The following BAG6 variants were observed in gnomAD, a reference collection of about 807,000 sequenced individuals.
BAG6 encodes BAG cochaperone 6.
In BAG6, 22 loss-of-function variants were observed where a neutral mutation model predicts 121.0. That is an observed-to-expected ratio of 0.18 (90% CI 0.13 to 0.26). The LOEUF is 0.26. BAG6 is among the 10% of genes least tolerant of loss of function. The pLI is 1.00. For synonymous variants in BAG6, 583 were observed against 584.6 expected (o/e 1.00, Z 0.04); for missense variants, 1,233 against 1,537.7 (o/e 0.80, Z 3.31).
At chr6:31,648,006 A>C in intron 6 of BAG6, 180 bp from the exon 7 acceptor site, 1 of 470,702 alleles carries the variant, frequency 2.1e-6, no homozygotes, top group Non-Finnish European at 2.8e-6. Context: ...ATGCATAATA[A>C]GCATCTGTAA....
chr6:31,649,234 T>G lies in BAG6; in HGVS notation c.388A>C (p.Asn130His). The G allele has an allele frequency of 6.2e-7, 1 of 1,613,020 alleles. No individual in the cohort carries two copies. Among genetic ancestry groups the G allele is most frequent in the Non-Finnish European group, 8.5e-7 (1 of 1,180,012 alleles). Residue 130 changes from asparagine to histidine, a missense_variant, in exon 4 of 26, where the codon AAC becomes CAC. By Grantham distance (68) the Asn-to-His change is moderately conservative. This residue lies in a region of BAG6 where 777 missense variants were observed against 861.4 expected (regional missense o/e 0.90). Coordinates refer to ENST00000676615, the MANE Select transcript of BAG6 (RefSeq NM_001387994.1). ...AAGGTTCCAACCATGACATAGCTGT[T>G]GGCATTCCGGTCATGAACAGAGGCC... ...PGASVHDRNANSYVMVGTFNL... is the reference protein window; with the variant it reads ...PGASVHDRNAHSYVMVGTFNL...
chr6:31,648,776 G>T, intron 5 of BAG6, 25 bp from the exon 6 acceptor site: 3 of 1,613,398 alleles, frequency 1.9e-6, no homozygotes, highest in Non-Finnish European at 8.5e-7. Flanking sequence ...GGTTTATCAG[G>T]GTAGGTTACA....
In BAG6 at chr6:31,640,509, G is replaced by A. The variant is rs1781669370; in HGVS notation, c.3014C>T (p.Ala1005Val). 6.2e-7 allele frequency: 1 copy of A among 1,613,006 alleles called. No homozygotes were observed. Among genetic ancestry groups the A allele is most frequent in the Non-Finnish European group, 8.5e-7 (1 of 1,180,018 alleles). ...PEPQRENASP[A>V]PGTTAEEAMS... is the part of the protein sequence containing the mutation. Reference sequence around the variant, plus strand: ...GGCCTCTTCTGCTGTTGTTCCAGGGGCTGGGGAAGCATTCTCCCGCTGGGT... The same window carrying A: ...GGCCTCTTCTGCTGTTGTTCCAGGGACTGGGGAAGCATTCTCCCGCTGGGT... Residue 1005 changes from alanine (A) to valine (V), a missense_variant, in exon 23 of 26, where the codon GCC (alanine) becomes GTC (valine). Transcript: ENST00000676615. The surrounding 1 kb of genome is among the most constrained non-coding windows in gnomAD (Gnocchi z 4.2).
chr6:31,645,581 C>T lies in BAG6; in HGVS notation c.942G>A (p.Gln314=). The change falls in exon 9 of 26, where the codon CAG becomes CAA. Residue 314 remains glutamine, a synonymous_variant. Coordinates refer to ENST00000676615, the MANE Select transcript of BAG6 (RefSeq NM_001387994.1). ...TCTCCCCTACCAAGTTGATCAACCG[C>T]TGATCCTCCTCCCGGCCCTCGTGCT... ...NNNHEGREED[Q]RLINLVGESL... 1 of 1,613,160 alleles carries T rather than the reference C, an allele frequency of 6.2e-7. No individual in the cohort carries two copies. Among genetic ancestry groups the T allele is most frequent in the Non-Finnish European group, 8.5e-7 (1 of 1,180,040 alleles).
At chr6:31,639,406 G>C (rs1222021332) in intron 25 of BAG6, 94 bp downstream of exon 25, 1 of 1,539,206 alleles carries the variant, frequency 6.5e-7, no homozygotes, top group African/African-American at 1.4e-5. Context: ...GGTAGCACCA[G>C]GCTGACCAGT....
chr6:31,648,093 G>GT (rs1450182728), intron 6 of BAG6, among the ~76,000 whole-genome samples: 1 of 149,638 alleles, frequency 6.7e-6, no homozygotes, highest in Non-Finnish European at 1.5e-5. Context: ...TCAGCTCACT[G>GT]TAACCTCCGC....
In BAG6 at chr6:31,645,158, G is replaced by C; in HGVS notation, c.1157C>G (p.Thr386Ser). 6.2e-7 allele frequency: 1 copy of C among 1,612,768 alleles called. No individual in the cohort carries two copies. Residue 386 changes from threonine to serine, a missense_variant, in exon 10 of 26, where the codon ACT becomes AGT. Thr to Ser is a moderately conservative substitution (Grantham distance 58). Coordinates refer to ENST00000676615, the MANE Select transcript of BAG6 (RefSeq NM_001387994.1). ...GTTVTMTGNG[T>S]RPPPTPNAEA... Reference sequence around the variant, plus strand: ...TGCATTGGGAGTTGGGGGGGGCCGAGTCCCATTTCCTGTCATGGTCACAGT... The same window carrying C: ...TGCATTGGGAGTTGGGGGGGGCCGACTCCCATTTCCTGTCATGGTCACAGT...
chr6:31,642,529 C>T, intron 15 of BAG6, 126 bp from the exon 16 acceptor site: 1 of 640,804 alleles, frequency 1.6e-6, no homozygotes, highest in Non-Finnish European at 2.7e-6. Flanking sequence ...TTCTGATCTT[C>T]ACTGCTTAAA....
Position 31,642,393 on chromosome 6 carries a change from G to A in BAG6, c.2054C>T (p.Thr685Ile), listed in dbSNP as rs1783756336. 1 of 949,656 alleles carries A rather than the reference G, an allele frequency of 1.1e-6. No individual in the cohort carries two copies. The highest frequency in any genetic ancestry group is 1.6e-6 in the Non-Finnish European group (1 of 628,004). 58.8% of individuals were successfully genotyped at this position (949,656 alleles called of 1,614,324 possible). Residue 685 changes from threonine to isoleucine, a missense_variant, in exon 16 of 26, where the codon ACA becomes ATA. Thr to Ile is a moderately conservative substitution (Grantham distance 89). Around this residue, in one of 7 missense-constraint regions of BAG6, gnomAD observed 777 missense variants for 861.4 expected, o/e 0.90. Transcript: ENST00000676615. ...GMTDFLQATQ[T>I]APPPPPPPPP... is the part of the protein sequence containing the mutation. ...AGGAGGTGGGGGTGGTGGAGGGGCTGTCTGTGTTGCCTGGCAAATAAAGAA... is the reference window on the plus strand; with the variant it reads ...AGGAGGTGGGGGTGGTGGAGGGGCTATCTGTGTTGCCTGGCAAATAAAGAA...
At chr6:31,651,545 A>T in intron 2 of BAG6, 111 bp downstream of exon 2, 1 of 892,218 alleles carries the variant, frequency 1.1e-6, no homozygotes, top group Non-Finnish European at 1.7e-6. Flanking sequence ...TCTCAAAAAA[A>T]AGAAAAAAAA....
At chr6:31,639,765 G>A (rs1218874490) in intron 24 of BAG6, 119 bp from the exon 25 acceptor site, 1 of 1,243,112 alleles carries the variant, frequency 8.0e-7, no homozygotes, top group Non-Finnish European at 1.1e-6. Context: ...TGGAGAGAGG[G>A]GAAATTAAGA....
intron 15 of BAG6, 110 bp from the exon 16 acceptor site, chr6:31,642,513 G>A (rs1783937637): frequency 3.1e-6 from 2 of 648,974 alleles, no homozygotes; most frequent in Admixed American, 2.8e-5. Context: ...AAGATGGGGA[G>A]TTACATTCTG....
Position 31,651,663 on chromosome 6 carries a change from C to G in BAG6, c.101G>C (p.Gly34Ala). Residue 34 changes from glycine to alanine, a missense_variant, in exon 2 of 26, where the codon GGG (glycine) becomes GCG (alanine). By Grantham distance (60) the Gly-to-Ala change is moderately conservative (BLOSUM62 0). This residue lies in a region of BAG6 where 28 missense variants were observed against 24.5 expected (regional missense o/e 1.14). Transcript: ENST00000676615. Reference sequence around the variant, plus strand: ...ACTAGTGAGGTGTCTCACCTGGGCCCCCACAATAAAGGTACGAGTTTGAGA... The same window carrying G: ...ACTAGTGAGGTGTCTCACCTGGGCCGCCACAATAAAGGTACGAGTTTGAGA... ...LDSQTRTFIV[G>A]AQMNVKEFKE... is the part of the protein sequence containing the mutation. 6.2e-7 allele frequency: 1 copy of G among 1,613,020 alleles called. No individual in the cohort carries two copies. The highest frequency in any genetic ancestry group is 1.7e-5 in the Admixed American group (1 of 60,026).
intron 1 of BAG6, 69 bp downstream of exon 1, chr6:31,652,355 A>ACACACACACACACACC (rs1277723335): frequency 2.7e-5 from 4 of 147,496 alleles, no homozygotes; most frequent in Admixed American, 1.4e-4. Flanking sequence ...ACACACACAC[A>ACACACACACACACACC]CACACCCACC....
chr6:31,644,748 C>T lies in BAG6; in HGVS notation c.1370-146G>A, dbSNP rs1433007533. ...TCCATCTAAACAGGGAGAGGTACTC[C>T]CTTCACCACACAAACACACCTCCAA... On this transcript the variant is annotated intron_variant, in intron 10 of 25. Transcript: ENST00000676615. The surrounding 1 kb of genome is among the most constrained non-coding windows in gnomAD (Gnocchi z 4.9). 8.1e-7 allele frequency: 1 copy of T among 1,230,206 alleles called. No homozygotes were observed. The highest frequency in any genetic ancestry group is 1.5e-5 in the African/African-American group (1 of 67,422). 76.2% of individuals were successfully genotyped at this position (1,230,206 alleles called of 1,614,324 possible).
At chr6:31,649,719 A>C in intron 2 of BAG6, 92 bp from the exon 3 acceptor site, 2 of 1,063,570 alleles carry the variant, frequency 1.9e-6, no homozygotes, top group Non-Finnish European at 2.9e-6. Context: ...GAGGGGTAAA[A>C]ACCACCACAG....
rs751257971 is a variant in BAG6, at chr6:31,645,113, G to A, written c.1202C>T (p.Pro401Leu). 6.2e-7 allele frequency: 1 copy of A among 1,613,024 alleles called. No homozygotes were observed. The highest frequency in any genetic ancestry group is 1.1e-5 in the South Asian group (1 of 91,082). The stretch of plus-strand genomic sequence containing the variant: ...CGGAGCCACGGATGAGGCCTGCCCA[G>A]GACCAGGGGGAGGTGCCTCTGCATT... ...TPNAEAPPPG[P>L]GQASSVAPSS... The change falls in exon 10 of 26, where the codon CCT becomes CTT. Residue 401 changes from proline (P) to leucine (L), a missense_variant. Physicochemically the swap from Pro to Leu is moderately conservative, Grantham distance 98 (BLOSUM62 -3). Around this residue, in one of 7 missense-constraint regions of BAG6, gnomAD observed 777 missense variants for 861.4 expected, o/e 0.90. Transcript: ENST00000676615.
chr6:31,651,757 G>T lies in BAG6; in HGVS notation c.7C>A (p.Pro3Thr), dbSNP rs1313292454. Residue 3 changes from proline to threonine, a missense_variant, in exon 2 of 26, where the codon CCT becomes ACT. Around this residue, in one of 7 missense-constraint regions of BAG6, gnomAD observed 25 missense variants for 16.5 expected, o/e 1.52. Coordinates refer to ENST00000676615, the MANE Select transcript of BAG6 (RefSeq NM_001387994.1). ME[P>T]NDSTSTAVEE... is the part of the protein sequence containing the mutation. ...ACAGCGGTACTGGTACTATCATTAG[G>T]CTCCATGGCCGACAGGTCTCTAAAG... The T allele has an allele frequency of 1.2e-6, 2 of 1,612,820 alleles. No individual in the cohort carries two copies. Among genetic ancestry groups the T allele is most frequent in the Non-Finnish European group, 1.7e-6 (2 of 1,179,958 alleles).
intron 25 of BAG6, 97 bp downstream of exon 25, chr6:31,639,403 C>A: frequency 6.5e-7 from 1 of 1,533,848 alleles, no homozygotes; most frequent in African/African-American, 1.4e-5. Flanking sequence ...AATGGTAGCA[C>A]CAGGCTGACC....
Sources: gnomAD v4.1 joint callset for allele counts (sites outside exome capture counted in the v4.1 genomes callset) on GRCh38, gnomAD v4.1.1 for gene constraint, gnomAD v4.1.1 regional missense constraint, Gnocchi (gnomAD v3.1) non-coding constraint, MANE v1.5 for transcripts, NCBI Gene and HGNC (gene_info 2026-07-23, HGNC 2026-07-21) for gene names.